ZBTB41: variants seen among roughly 807,000 people sequenced by gnomAD.
The protein encoded by ZBTB41 is zinc finger and BTB domain-containing protein 41.
ZBTB41 carries 42 observed loss-of-function variants against 87.6 expected under a neutral mutation model. The ratio of observed to expected loss-of-function variants is 0.48; its 90% CI spans 0.37 to 0.62. ZBTB41 has a LOEUF of 0.62. ZBTB41 is among the 20% of genes least tolerant of loss of function. The pLI is 0.00. For synonymous variants in ZBTB41, 364 were observed against 364.0 expected (o/e 1.00, Z 0.00); for missense variants, 799 against 1,078.9 (o/e 0.74, Z 3.63).
intron 2 of ZBTB41, 128 bp downstream of exon 2, chr1:197,199,226 C>A (rs1414920410): frequency 5.0e-5 from 45 of 896,164 alleles, no homozygotes; most frequent in Middle Eastern, 3.3e-4. Context: ...TATTGAAAAC[C>A]AAGGTATTCT....
At chr1:197,189,912 G>A (rs78943493) in intron 4 of ZBTB41, among the ~76,000 whole-genome samples, 2,085 of 152,140 alleles carry the variant, frequency 0.014, 42 homozygotes, top group African/African-American at 0.048. Flanking sequence ...GACCTGTCAC[G>A]TGGGTGGGCC....
At position 197,175,171 on chromosome 1, in the gene ZBTB41, C is replaced by T; in HGVS notation, c.1880-56G>A. On this transcript the variant is annotated intron_variant, in intron 8 of 10. Transcript: ENST00000367405. ...TAATATACATCTCAGGTTTTTATCCCCAGAAACAAACTATCAAACAGTAAG... is the reference window on the plus strand; with the variant it reads ...TAATATACATCTCAGGTTTTTATCCTCAGAAACAAACTATCAAACAGTAAG... The T allele has an allele frequency of 2.1e-6, 3 of 1,447,504 alleles. No homozygotes were observed. In the South Asian group the frequency reaches 3.7e-5, roughly 18 times the overall value. 89.7% of individuals were successfully genotyped at this position (1,447,504 alleles called of 1,614,324 possible). A position where few individuals can be genotyped will look rare whatever the true frequency, so the allele number is the denominator to read the frequency against.
In ZBTB41 at chr1:197,190,802, A is replaced by G; in HGVS notation, c.1358T>C (p.Ile453Thr). ...TTCACTCTTAGTCTTCTTAATGGAA[A>G]TAAATTCTTGTGCATTTTCAGGATG... ...RFHPENAQEF[I>T]SIKKTKSESW... Residue 453 changes from isoleucine (I) to threonine (T), a missense_variant, in exon 4 of 11, where the codon ATT (isoleucine) becomes ACT (threonine). Physicochemically the swap from Ile to Thr is moderately conservative, Grantham distance 89 (BLOSUM62 -1). Transcript: ENST00000367405. 2 of 1,592,882 alleles carry G rather than the reference A, an allele frequency of 1.3e-6. No homozygotes were observed. Among genetic ancestry groups the G allele is most frequent in the Non-Finnish European group, 1.7e-6 (2 of 1,167,022 alleles).
At chr1:197,183,110 A>G (rs999823975) in intron 5 of ZBTB41, among the ~76,000 whole-genome samples, 1 of 152,202 alleles carries the variant, frequency 6.6e-6, no homozygotes, top group African/African-American at 2.4e-5. Flanking sequence ...GAAAATACTT[A>G]TAACAATACT....
chr1:197,181,109 G>C lies in ZBTB41; in HGVS notation c.1555C>G (p.Pro519Ala). 1 of 1,569,648 alleles carries C rather than the reference G, an allele frequency of 6.4e-7. No individual in the cohort carries two copies. Among genetic ancestry groups the C allele is most frequent in the Non-Finnish European group, 8.6e-7 (1 of 1,167,618 alleles). ...AACTGGCGACCACATATATCACATG[G>C]AAAAGGACCTAAAAAGGAAAAAAAA... The part of the protein sequence containing the change: ...HQEKFHLGPF[P>A]CDICGRQFND... The change falls in exon 6 of 11, where the codon CCA (proline) becomes GCA (alanine). Residue 519 changes from proline (P) to alanine (A), a missense_variant. Physicochemically the swap from Pro to Ala is conservative, Grantham distance 27. Coordinates refer to ENST00000367405, the MANE Select transcript of ZBTB41 (RefSeq NM_194314.3).
chr1:197,155,492 C>A lies in ZBTB41; in HGVS notation c.*3867G>T, dbSNP rs1251891897. 6.6e-6 allele frequency: 1 copy of A among 152,262 alleles called. No individual in the cohort carries two copies. The highest frequency in any genetic ancestry group is 2.4e-5 in the African/African-American group (1 of 41,424). The allele number at this position is 152,262 out of a possible 1,614,324, so 9.4% of individuals were successfully genotyped here. On this transcript the variant is annotated 3_prime_UTR_variant, in exon 11 of 11. Coordinates refer to ENST00000367405, the MANE Select transcript of ZBTB41 (RefSeq NM_194314.3). ...AGAAAAGACTGGGTATAAAAGGACA[C>A]TGTCAAAGAGCTACTGCTCAAAATC...
At chr1:197,175,345 A>G (rs1659576918) in intron 8 of ZBTB41, among the ~76,000 whole-genome samples, 2 of 148,432 alleles carry the variant, frequency 1.3e-5, no homozygotes, top group Non-Finnish European at 3.0e-5. Context: ...AAAGGAATCA[A>G]TAGCCTTTTG....
In ZBTB41 at chr1:197,182,814, T is replaced by C. The variant is rs572720991; in HGVS notation, c.1547-1697A>G. ...AGCACTACCTGGGAACTTGTGCAAA[T>C]TGCAAACTGTACAAGTTCCAAATGC... is the stretch of plus-strand genomic sequence containing the variant. On this transcript the variant is annotated intron_variant, in intron 5 of 10. Transcript: ENST00000367405. Among the ~76,000 whole-genome samples, 129 of 152,242 alleles carry C rather than the reference T, an allele frequency of 8.5e-4. 1 individual carries two copies. The highest frequency in any genetic ancestry group is 1.0e-3 in the Non-Finnish European group (71 of 68,008).
At chr1:197,175,702 C>T (rs968584599) in intron 8 of ZBTB41, among the ~76,000 whole-genome samples, 6 of 151,388 alleles carry the variant, frequency 4.0e-5, no homozygotes, top group Non-Finnish European at 7.4e-5. Context: ...ATTACTGTCT[C>T]AATACCAGTG....
At chr1:197,173,723 T>C (rs1659530909) in intron 9 of ZBTB41, among the ~76,000 whole-genome samples, 1 of 152,120 alleles carries the variant, frequency 6.6e-6, no homozygotes, top group South Asian at 2.1e-4. Context: ...CTAACCAGTA[T>C]GCTTGGTTTA....
chr1:197,156,060 A>G lies in ZBTB41; in HGVS notation c.*3299T>C, dbSNP rs1459061145. On this transcript the variant is annotated 3_prime_UTR_variant, in exon 11 of 11. Coordinates refer to ENST00000367405, the MANE Select transcript of ZBTB41 (RefSeq NM_194314.3). ...CATTTAGTAGTGTTCTCTAAAAAAC[A>G]TAACATTGTATTAATTAAACTAAGG... 1 of 152,336 alleles carries G rather than the reference A, an allele frequency of 6.6e-6. No homozygotes were observed. Among genetic ancestry groups the G allele is most frequent in the Admixed American group, 6.6e-5 (1 of 15,248 alleles). The allele number at this position is 152,336 out of a possible 1,614,324, so 9.4% of individuals were successfully genotyped here.
chr1:197,193,312 T>G (rs985233502), intron 2 of ZBTB41, among the ~76,000 whole-genome samples: 1 of 151,292 alleles, frequency 6.6e-6, no homozygotes, highest in Non-Finnish European at 1.5e-5. Flanking sequence ...CCAAGGTGGG[T>G]GAACACTTGA....
chr1:197,196,731 C>T (rs1263728961), intron 2 of ZBTB41, among the ~76,000 whole-genome samples: 2 of 152,056 alleles, frequency 1.3e-5, no homozygotes, highest in East Asian at 1.9e-4. Flanking sequence ...TCTTGCCCAC[C>T]TTCATCTCCT....
chr1:197,199,359 C>A lies in ZBTB41; in HGVS notation c.1115G>T (p.Arg372Leu). Residue 372 changes from arginine to leucine, a missense_variant, in exon 2 of 11, where the codon CGA becomes CTA. Coordinates refer to ENST00000367405, the MANE Select transcript of ZBTB41 (RefSeq NM_194314.3). ...QCPKCDKTFDRIGKYESHTRV... is the reference protein window; with the variant it reads ...QCPKCDKTFDLIGKYESHTRV... ...AACCAGTTTTCTTTTCTTACCTATT[C>A]GGTCAAATGTTTTATCACATTTAGG... The A allele has an allele frequency of 6.7e-7, 1 of 1,497,974 alleles. No homozygotes were observed. 92.8% of individuals were successfully genotyped at this position (1,497,974 alleles called of 1,614,324 possible). A position where few individuals can be genotyped will look rare whatever the true frequency, so the allele number is the denominator to read the frequency against.
Position 197,199,396 on chromosome 1 carries a change from T to C in ZBTB41, c.1078A>G (p.Ile360Val), listed in dbSNP as rs1164304903. ...TTATCACATTTAGGACACTGCAATA[T>C]TTTTTTGTTGCTGTTCTGAATGACC... is the stretch of plus-strand genomic sequence containing the variant. ...PVVIQNSNKK[I>V]LQCPKCDKTF... The change falls in exon 2 of 11, where the codon ATA becomes GTA. Residue 360 changes from isoleucine (I) to valine (V), a missense_variant. Coordinates refer to ENST00000367405, the MANE Select transcript of ZBTB41 (RefSeq NM_194314.3). The C allele has an allele frequency of 6.3e-7, 1 of 1,583,396 alleles. No homozygotes were observed. The highest frequency in any genetic ancestry group is 2.2e-5 in the East Asian group (1 of 44,778).
At chr1:197,175,319 CT>C (rs1386851365) in intron 8 of ZBTB41, among the ~76,000 whole-genome samples, 1 of 150,666 alleles carries the variant, frequency 6.6e-6, no homozygotes, top group Non-Finnish European at 1.5e-5. Flanking sequence ...GGATGTGAAT[CT>C]TTTCCCCGCT....
At chr1:197,193,593 T>G (rs1487556361) in intron 2 of ZBTB41, among the ~76,000 whole-genome samples, 1 of 152,176 alleles carries the variant, frequency 6.6e-6, no homozygotes, top group African/African-American at 2.4e-5. Context: ...TGGATACACT[T>G]GGCTCTTTCC....
intron 10 of ZBTB41, among the ~76,000 whole-genome samples, chr1:197,167,174 A>T (rs909167328): frequency 2.0e-5 from 3 of 152,080 alleles, no homozygotes; most frequent in Non-Finnish European, 4.4e-5. Context: ...ATGTATGTGT[A>T]TGTCTGTATA....
chr1:197,199,641 T>A lies in ZBTB41; in HGVS notation c.833A>T (p.Asp278Val). The A allele has an allele frequency of 6.2e-7, 1 of 1,613,008 alleles. No homozygotes were observed. The change falls in exon 2 of 11, where the codon GAC (aspartate) becomes GTC (valine). Residue 278 changes from aspartate to valine, a missense_variant. Transcript: ENST00000367405. ...DDEQESGDGS[D>V]NLNQENFDKE... The stretch of plus-strand genomic sequence containing the variant: ...ATCAAAATTTTCTTGATTCAAATTG[T>A]CTGACCCATCACCACTTTCCTGTTC...
Sources: gnomAD v4.1 joint callset for allele counts (sites outside exome capture counted in the v4.1 genomes callset) on GRCh38, gnomAD v4.1.1 for gene constraint, MANE v1.5 for transcripts, NCBI Gene and HGNC (gene_info 2026-07-23, HGNC 2026-07-21) for gene names.